The following SRL variants were observed in gnomAD, a reference collection of about 807,000 sequenced individuals.
SRL encodes sarcalumenin.
A neutral mutation model predicts 39.5 loss-of-function variants in SRL; 23 were observed. The ratio of observed to expected loss-of-function variants is 0.58; its 90% CI spans 0.42 to 0.82. The LOEUF (loss-of-function observed/expected upper bound fraction) is 0.82, where lower values mean the gene tolerates loss of function less well. SRL is among the 40% of genes least tolerant of loss of function. SRL has a pLI of 0.00. For missense variants in SRL, 592 were observed against 607.8 expected (o/e 0.97, Z 0.27); for synonymous variants, 272 against 237.4 (o/e 1.15, Z -1.34).
intron 1 of SRL, among the ~76,000 whole-genome samples, chr16:4,239,992 G>A (rs894056835): frequency 1.3e-5 from 2 of 152,170 alleles, no homozygotes; most frequent in African/African-American, 4.8e-5. Context: ...CACGGGCGAC[G>A]GGTGGTTGGT....
At chr16:4,202,327 C>T (rs1456402685) in intron 3 of SRL, among the ~76,000 whole-genome samples, 1 of 152,202 alleles carries the variant, frequency 6.6e-6, no homozygotes, top group African/African-American at 2.4e-5. Context: ...GGAGCGGTGG[C>T]TCACGCTTGT....
chr16:4,206,759 C>G, intron 1 of SRL: 1 of 454,830 alleles, frequency 2.2e-6, no homozygotes, highest in Non-Finnish European at 4.4e-6. Context: ...CTCCCTCCCC[C>G]TGATGTCCCT....
intron 1 of SRL, among the ~76,000 whole-genome samples, chr16:4,228,675 C>T (rs1408539673): frequency 1.3e-5 from 2 of 151,748 alleles, no homozygotes; most frequent in East Asian, 1.9e-4. Context: ...GCGGAGCTTG[C>T]AGTGAGCCAA....
At chr16:4,223,993 G>C (rs1464981516) in intron 1 of SRL, among the ~76,000 whole-genome samples, 1 of 152,146 alleles carries the variant, frequency 6.6e-6, no homozygotes, top group Non-Finnish European at 1.5e-5. Context: ...ATATTCCTGG[G>C]AGGAGAAAGA....
chr16:4,203,998 G>C (rs531368259), intron 2 of SRL, among the ~76,000 whole-genome samples: 2 of 152,224 alleles, frequency 1.3e-5, no homozygotes, highest in Non-Finnish European at 2.9e-5. Context: ...GGAGCCCACA[G>C]TGGGAAGGCC....
intron 1 of SRL, among the ~76,000 whole-genome samples, chr16:4,231,222 G>A (rs1342422835): frequency 6.6e-6 from 1 of 152,134 alleles, no homozygotes; most frequent in Non-Finnish European, 1.5e-5. Flanking sequence ...AGGCTGTGGT[G>A]GGAGGATCAC....
intron 3 of SRL, among the ~76,000 whole-genome samples, chr16:4,199,692 C>CTTTTTTTTTTTTTTTTTTTT (rs201684866): frequency 2.7e-5 from 3 of 111,452 alleles, no homozygotes; most frequent in African/African-American, 1.0e-4. Flanking sequence ...CTTTTCTTTT[C>CTTTTTTTTTTTTTTTTTTTT]CTTTTTTTTT....
chr16:4,203,358 C>A (rs1271400167), intron 2 of SRL, 97 bp from the exon 3 acceptor site: 28 of 965,492 alleles, frequency 2.9e-5, no homozygotes, highest in Middle Eastern at 3.0e-4. Flanking sequence ...GCAGCTCCAC[C>A]CCTGCCTGGT....
intron 1 of SRL, among the ~76,000 whole-genome samples, chr16:4,234,924 C>A (rs994542240): frequency 6.6e-6 from 1 of 152,210 alleles, no homozygotes; most frequent in African/African-American, 2.4e-5. Context: ...GAAATTCCAT[C>A]TTAGAGATAT....
intron 1 of SRL, chr16:4,207,114 G>C: frequency 2.2e-6 from 1 of 456,334 alleles, no homozygotes; most frequent in South Asian, 1.5e-5. Flanking sequence ...GGGCTCCGTG[G>C]CCTCCTCGGA....
chr16:4,203,707 C>A (rs1432656212), intron 2 of SRL, among the ~76,000 whole-genome samples: 2 of 151,912 alleles, frequency 1.3e-5, no homozygotes, highest in African/African-American at 2.4e-5. Context: ...TTTTTTAAAA[C>A]CTCTCTCCTC....
At chr16:4,225,432 A>T (rs1353330288) in intron 1 of SRL, among the ~76,000 whole-genome samples, 1 of 151,748 alleles carries the variant, frequency 6.6e-6, no homozygotes, top group Non-Finnish European at 1.5e-5. Context: ...AAAATACAAA[A>T]AATGAGCTGG....
intron 1 of SRL, among the ~76,000 whole-genome samples, chr16:4,234,869 T>C (rs916697690): frequency 2.0e-5 from 3 of 152,192 alleles, no homozygotes; most frequent in Non-Finnish European, 4.4e-5. Flanking sequence ...ACCACCTCCG[T>C]GTTGAGATTT....
At chr16:4,235,923 C>T (rs916052811) in intron 1 of SRL, among the ~76,000 whole-genome samples, 22 of 152,014 alleles carry the variant, frequency 1.4e-4, no homozygotes, top group Admixed American at 1.4e-3. Context: ...TCCGCCTCTA[C>T]TAAAAATGCA....
chr16:4,204,189 G>T (rs570395379), intron 2 of SRL, among the ~76,000 whole-genome samples: 1 of 152,180 alleles, frequency 6.6e-6, no homozygotes, highest in Non-Finnish European at 1.5e-5. Flanking sequence ...CACATGAAAC[G>T]GCTTTATAAA....
Position 4,230,594 on chromosome 16 carries a change from G to A in SRL, c.61+11413C>T, listed in dbSNP as rs532774889. Reference sequence around the variant, plus strand: ...AGTAGAGACGGGGTTTCACCATGTTGGCCAGGCTGGTCTTGAACTCCCGAC... The same window carrying A: ...AGTAGAGACGGGGTTTCACCATGTTAGCCAGGCTGGTCTTGAACTCCCGAC... On this transcript the variant is annotated intron_variant, in intron 1 of 5. Coordinates refer to ENST00000399609, the MANE Select transcript of SRL (RefSeq NM_001098814.2). 9.6e-4 allele frequency among the ~76,000 whole-genome samples: 145 copies of A among 150,762 alleles called. 1 individual carries two copies. Among genetic ancestry groups the A allele is most frequent in the East Asian group, 3.1e-3 (16 of 5,132 alleles).
At chr16:4,205,550 G>T (rs972552810) in intron 1 of SRL, among the ~76,000 whole-genome samples, 8 of 137,798 alleles carry the variant, frequency 5.8e-5, no homozygotes, top group African/African-American at 2.4e-4. Context: ...GTCAGAGAAG[G>T]CCTCCCCAGG....
At chr16:4,205,722 A>G (rs953734316) in intron 1 of SRL, among the ~76,000 whole-genome samples, 1 of 152,164 alleles carries the variant, frequency 6.6e-6, no homozygotes, top group Non-Finnish European at 1.5e-5. Flanking sequence ...CTGACCGGGC[A>G]GGACCTTCCA....
chr16:4,198,900 G>C (rs2052184323), intron 3 of SRL, among the ~76,000 whole-genome samples: 1 of 152,204 alleles, frequency 6.6e-6, no homozygotes, highest in South Asian at 2.1e-4. Flanking sequence ...GGCCACTCCA[G>C]GTGGGTCCCT....
Sources: allele counts gnomAD v4.1 joint callset (sites outside exome capture counted in the v4.1 genomes callset), GRCh38; gene constraint gnomAD v4.1.1; transcripts MANE v1.5; gene names NCBI Gene and HGNC (gene_info 2026-07-23, HGNC 2026-07-21).